The following NCOA1 variants were observed in gnomAD, a reference collection of about 807,000 sequenced individuals.
The protein encoded by NCOA1 is nuclear receptor coactivator 1, also known as Hin-2 protein.
In NCOA1, 35 loss-of-function variants were observed where a neutral mutation model predicts 150.9. The ratio of observed to expected loss-of-function variants is 0.23; its 90% CI spans 0.18 to 0.31. The LOEUF is 0.31. NCOA1 is among the 10% of genes least tolerant of loss of function. NCOA1 has a pLI of 1.00. For missense variants in NCOA1, 1,491 were observed against 1,749.3 expected (o/e 0.85, Z 2.63); for synonymous variants, 590 against 630.0 (o/e 0.94, Z 0.95).
chr2:24,748,111 A>C (rs1664030995), intron 19 of NCOA1, among the ~76,000 whole-genome samples: 1 of 152,116 alleles, frequency 6.6e-6, no homozygotes, highest in Admixed American at 6.5e-5. Context: ...CGCCTCAAAA[A>C]AAAGAAAAAA....
chr2:24,751,217 C>T (rs1027616679), intron 19 of NCOA1, among the ~76,000 whole-genome samples: 2 of 151,014 alleles, frequency 1.3e-5, no homozygotes, highest in Admixed American at 6.6e-5. Context: ...CCACCCACCT[C>T]GGCCTCCCAA....
At chr2:24,724,141 A>G (rs1674493681) in intron 14 of NCOA1, among the ~76,000 whole-genome samples, 1 of 151,738 alleles carries the variant, frequency 6.6e-6, no homozygotes, top group Admixed American at 6.6e-5. Flanking sequence ...TTTTAGCTAT[A>G]TTTTAAATGG....
intron 1 of NCOA1, among the ~76,000 whole-genome samples, chr2:24,518,773 G>GT (rs1345794419): frequency 6.6e-6 from 1 of 152,164 alleles, no homozygotes; most frequent in African/African-American, 2.4e-5. Context: ...AAAAAAAGAT[G>GT]TTTAAGACTT....
At chr2:24,559,613 C>T (rs1452371610) in intron 1 of NCOA1, among the ~76,000 whole-genome samples, 1 of 152,186 alleles carries the variant, frequency 6.6e-6, no homozygotes, top group Non-Finnish European at 1.5e-5. Context: ...CTCTCAGCCT[C>T]AGCATTCCTG....
chr2:24,710,842 A>G (rs545975591), intron 13 of NCOA1, 89 bp from the exon 14 acceptor site: 6 of 1,241,996 alleles, frequency 4.8e-6, no homozygotes, highest in East Asian at 2.4e-5. Flanking sequence ...CACTGAATTC[A>G]TAGAGTTTAA....
At chr2:24,678,284 A>G (rs555371246) in intron 7 of NCOA1, among the ~76,000 whole-genome samples, 2 of 152,242 alleles carry the variant, frequency 1.3e-5, no homozygotes, top group African/African-American at 4.8e-5. Context: ...TATCCAGTCT[A>G]TCATTGATGG....
intron 19 of NCOA1, among the ~76,000 whole-genome samples, chr2:24,742,487 G>A (rs539575804): frequency 9.3e-5 from 14 of 151,028 alleles, no homozygotes; most frequent in African/African-American, 2.2e-4. Flanking sequence ...ATGCAGTCTC[G>A]CTCTGTTGTC....
rs1329511917 is a variant in NCOA1 at position 24,741,776 on chromosome 2, C to G, written c.3304-8C>G. The G allele has an allele frequency of 2.5e-6, 4 of 1,596,224 alleles. No homozygotes were observed. The highest frequency in any genetic ancestry group is 3.4e-6 in the Non-Finnish European group (4 of 1,172,442). On this transcript the variant is annotated splice_region_variant and splice_polypyrimidine_tract_variant and intron_variant, in intron 18 of 22. Transcript: ENST00000348332. The stretch of plus-strand genomic sequence containing the variant: ...ATTTTAGTAAGTGAGTTTTTTCCTG[C>G]TTTTCAGCCACCCCTGAATGCTCAA...
intron 3 of NCOA1, among the ~76,000 whole-genome samples, chr2:24,610,123 T>TC: frequency 7.0e-6 from 1 of 142,734 alleles, no homozygotes; most frequent in African/African-American, 2.6e-5. Flanking sequence ...TAGGCTGCAT[T>TC]CTTTTTTTTT....
chr2:24,660,416 G>A (rs1671131701), intron 5 of NCOA1, among the ~76,000 whole-genome samples: 1 of 151,754 alleles, frequency 6.6e-6, no homozygotes, highest in East Asian at 1.9e-4. Context: ...ATTAACAATT[G>A]ATTTGTCTGC....
chr2:24,535,556 A>G (rs959757676), intron 1 of NCOA1, among the ~76,000 whole-genome samples: 4 of 152,156 alleles, frequency 2.6e-5, no homozygotes, highest in African/African-American at 4.8e-5. Flanking sequence ...GCTGGTCTTT[A>G]TAATTTGGCA....
intron 3 of NCOA1, among the ~76,000 whole-genome samples, chr2:24,597,549 T>A (rs1373704104): frequency 1.3e-5 from 2 of 152,048 alleles, no homozygotes; most frequent in Admixed American, 1.3e-4. Flanking sequence ...GCTCAGTAAT[T>A]GTAGGTGCTG....
chr2:24,526,795 C>T (rs985801181), intron 1 of NCOA1, among the ~76,000 whole-genome samples: 2 of 151,772 alleles, frequency 1.3e-5, no homozygotes, highest in Non-Finnish European at 2.9e-5. Context: ...AATGTTGGCC[C>T]TCTATATCTG....
At chr2:24,618,800 A>G (rs928760288) in intron 3 of NCOA1, among the ~76,000 whole-genome samples, 10 of 152,142 alleles carry the variant, frequency 6.6e-5, no homozygotes, top group Non-Finnish European at 4.4e-5. Context: ...ATGAAAATCC[A>G]TCCATTTTAG....
chr2:24,637,304 C>T (rs962917665), intron 3 of NCOA1, among the ~76,000 whole-genome samples: 3 of 142,424 alleles, frequency 2.1e-5, no homozygotes, highest in Non-Finnish European at 3.0e-5. Flanking sequence ...GGATCTAGAA[C>T]GAGAAATACC....
At chr2:24,698,825 C>A (rs898655038) in intron 11 of NCOA1, among the ~76,000 whole-genome samples, 3 of 152,130 alleles carry the variant, frequency 2.0e-5, no homozygotes, top group African/African-American at 7.2e-5. Flanking sequence ...CCATTCATTA[C>A]ATTTTAGGTC....
chr2:24,660,475 C>T (rs961566876), intron 5 of NCOA1, among the ~76,000 whole-genome samples: 2 of 151,634 alleles, frequency 1.3e-5, no homozygotes, highest in South Asian at 4.2e-4. Flanking sequence ...TATATATATA[C>T]ACACACAGGT....
intron 3 of NCOA1, among the ~76,000 whole-genome samples, chr2:24,621,574 G>T (rs988642015): frequency 6.7e-6 from 1 of 150,150 alleles, no homozygotes; most frequent in Non-Finnish European, 1.5e-5. Context: ...TCCCTCCTGG[G>T]TTCAAGTGAT....
intron 4 of NCOA1, among the ~76,000 whole-genome samples, chr2:24,651,167 CAG>C (rs1558874045): frequency 6.6e-6 from 1 of 151,950 alleles, no homozygotes; most frequent in Non-Finnish European, 1.5e-5. Flanking sequence ...ACATATGACT[CAG>C]AATTAACATA....
Sources: allele counts gnomAD v4.1 joint callset (sites outside exome capture counted in the v4.1 genomes callset), GRCh38; gene constraint gnomAD v4.1.1; transcripts MANE v1.5; gene names NCBI Gene and HGNC (gene_info 2026-07-23, HGNC 2026-07-21).